The following FRAS1 variants were observed in gnomAD, a reference collection of about 807,000 sequenced individuals.
FRAS1 encodes extracellular matrix organizing protein FRAS1.
FRAS1 carries 290 observed loss-of-function variants against 435.2 expected under a neutral mutation model. That is an observed-to-expected ratio of 0.67 (90% CI 0.61 to 0.73). The LOEUF (loss-of-function observed/expected upper bound fraction) is 0.73, where lower values mean the gene tolerates loss of function less well. FRAS1 is among the 30% of genes least tolerant of loss of function. The pLI is 0.00. For missense variants in FRAS1, 4,860 were observed against 5,001.5 expected (o/e 0.97, Z 0.85); for synonymous variants, 1,800 against 1,851.0 (o/e 0.97, Z 0.71).
chr4:78,383,460 G>A (rs1363302884), intron 27 of FRAS1, among the ~76,000 whole-genome samples: 1 of 152,194 alleles, frequency 6.6e-6, no homozygotes, highest in Non-Finnish European at 1.5e-5. Flanking sequence ...GTAGTCAGAT[G>A]CTGAGACTGA....
In FRAS1 at chr4:78,218,273, G is replaced by A. The variant is rs546578098; in HGVS notation, c.109-19237G>A. 2.9e-4 allele frequency among the ~76,000 whole-genome samples: 44 copies of A among 151,464 alleles called. No individual in the cohort carries two copies. In the South Asian group the frequency reaches 8.2e-3, roughly 28 times the overall value. On this transcript the variant is annotated intron_variant, in intron 2 of 73. Coordinates refer to ENST00000512123, the MANE Select transcript of FRAS1 (RefSeq NM_025074.7). ...GAGAGAGGGGAACTATCTCAGAAGGGTCTATGCTTGAAATACAGCACACTA... is the reference window on the plus strand; with the variant it reads ...GAGAGAGGGGAACTATCTCAGAAGGATCTATGCTTGAAATACAGCACACTA...
chr4:78,269,580 A>G (rs1051892074), intron 9 of FRAS1, among the ~76,000 whole-genome samples: 45 of 152,214 alleles, frequency 3.0e-4, no homozygotes, highest in African/African-American at 1.0e-3. Context: ...ATCAACAGCA[A>G]TGTTCTGAAT....
chr4:78,373,712 T>A (rs894154885), intron 24 of FRAS1, among the ~76,000 whole-genome samples: 2 of 151,794 alleles, frequency 1.3e-5, no homozygotes, highest in African/African-American at 4.8e-5. Flanking sequence ...GAGGCAGAGG[T>A]TGCGGTGAGC....
chr4:78,494,882 T>C (rs1442980489), intron 59 of FRAS1, among the ~76,000 whole-genome samples: 1 of 152,148 alleles, frequency 6.6e-6, no homozygotes, highest in East Asian at 1.9e-4. Context: ...AAAATCAATT[T>C]TGATAAACTA....
intron 20 of FRAS1, among the ~76,000 whole-genome samples, chr4:78,360,443 T>C (rs997748704): frequency 1.4e-4 from 21 of 152,072 alleles, no homozygotes; most frequent in African/African-American, 4.8e-4. Flanking sequence ...ATGGAGAGCA[T>C]AGTTGGAAGT....
intron 37 of FRAS1, 146 bp from the exon 38 acceptor site, chr4:78,432,211 T>C: frequency 1.6e-6 from 1 of 631,632 alleles, no homozygotes; most frequent in Admixed American, 3.4e-5. Context: ...AAGGGAATCC[T>C]ATAGTAGGTG....
chr4:78,295,242 G>A (rs1728092651), intron 14 of FRAS1, among the ~76,000 whole-genome samples: 1 of 151,990 alleles, frequency 6.6e-6, no homozygotes. Context: ...AAATATTTTT[G>A]AATCAATTTT....
chr4:78,513,630 A>T, intron 65 of FRAS1, 78 bp downstream of exon 65: 1 of 1,308,728 alleles, frequency 7.6e-7, no homozygotes, highest in South Asian at 1.3e-5. Flanking sequence ...CAGAGTGAGA[A>T]CTGCTTTTCA....
chr4:78,441,056 G>T, intron 40 of FRAS1, 106 bp from the exon 41 acceptor site: 1 of 1,092,218 alleles, frequency 9.2e-7, no homozygotes. Flanking sequence ...CAAAGAAGCA[G>T]AATTGGTGCT....
chr4:78,178,635 A>G (rs1721873954), intron 2 of FRAS1, among the ~76,000 whole-genome samples: 1 of 152,240 alleles, frequency 6.6e-6, no homozygotes, highest in Non-Finnish European at 1.5e-5. Context: ...ACCAAGAAAC[A>G]GCAAGCTAGC....
At chr4:78,127,179 G>A (rs539995565) in intron 2 of FRAS1, among the ~76,000 whole-genome samples, 20 of 152,096 alleles carry the variant, frequency 1.3e-4, no homozygotes, top group African/African-American at 4.6e-4. Context: ...GGGTGAGCTG[G>A]GGAGAGAAAG....
intron 38 of FRAS1, 69 bp from the exon 39 acceptor site, chr4:78,438,501 C>G: frequency 6.7e-7 from 1 of 1,501,594 alleles, no homozygotes; most frequent in East Asian, 2.3e-5. Context: ...ACCCATAGAT[C>G]TTTAGCTACT....
In FRAS1 at chr4:78,464,063, G is replaced by A. The variant is rs771923121; in HGVS notation, c.6806G>A (p.Arg2269Gln). Residue 2269 changes from arginine to glutamine, a missense_variant, in exon 48 of 74, where the codon CGA becomes CAA. By Grantham distance (43) the Arg-to-Gln change is conservative. Transcript: ENST00000512123. The part of the protein sequence containing the change: ...SSFTQADLTS[R>Q]NVQYVHSSEA... ...TTTACTCAAGCTGATCTGACTTCAC[G>A]AAATGTTCAGTATGTCCATTCTAGT... 4.7e-5 allele frequency: 76 copies of A among 1,613,540 alleles called. No homozygotes were observed. The East Asian group carries it at 1.2e-3, about 25-fold the overall frequency.
chr4:78,057,921 GGGTTCCAAGCGCC>G lies in FRAS1; in HGVS notation c.-86_-74del. 4.7e-6 allele frequency: 6 copies of G among 1,266,804 alleles called. No homozygotes were observed. Among genetic ancestry groups the G allele is most frequent in the Non-Finnish European group, 6.8e-6 (6 of 876,560 alleles). 78.5% of individuals were successfully genotyped at this position (1,266,804 alleles called of 1,614,324 possible). On this transcript the variant is annotated 5_prime_UTR_variant, in exon 1 of 74. Coordinates refer to ENST00000512123, the MANE Select transcript of FRAS1 (RefSeq NM_025074.7). This position sits in a 1 kb window ranked among gnomAD's most constrained non-coding sequence, Gnocchi z 4.2. Reference sequence around the variant, plus strand: ...GCGGTCCCCCACCTTCAGTGCGCCCGGGTTCCAAGCGCCGGAGCCAGCGTTTTGGCGGAGCCGC... The same window carrying G: ...GCGGTCCCCCACCTTCAGTGCGCCCGGGAGCCAGCGTTTTGGCGGAGCCGC...
chr4:78,491,491 A>G (rs1720351834), intron 59 of FRAS1, among the ~76,000 whole-genome samples: 1 of 152,196 alleles, frequency 6.6e-6, no homozygotes, highest in Non-Finnish European at 1.5e-5. Flanking sequence ...ATGCAAGGCT[A>G]GTTCAACATA....
At chr4:78,198,890 T>C (rs1722934447) in intron 2 of FRAS1, among the ~76,000 whole-genome samples, 1 of 152,262 alleles carries the variant, frequency 6.6e-6, no homozygotes, top group African/African-American at 2.4e-5. Context: ...ATTCTAAGTA[T>C]ACAGTATATA....
chr4:78,508,851 T>TA lies in FRAS1; in HGVS notation c.9626dup (p.Tyr3209Ter). The TA allele has an allele frequency of 3.7e-6, 6 of 1,613,864 alleles. No homozygotes were observed. The highest frequency in any genetic ancestry group is 5.1e-6 in the Non-Finnish European group (6 of 1,179,842). ...CCCCTGCGACCCTCATTTCCCCAGA[T>TA]ACGCTGTCATGAAGGAGCGCTGCAG... ...VTPCDPHFPRYAVMKERCSEA... is the reference protein window; with the variant it reads ...VTPCDPHFPR The change falls in exon 63 of 74, where the codon TAC (tyrosine) becomes TAAC (stop). Residue 3209 changes from tyrosine to a stop codon, truncating the protein, a stop_gained and frameshift_variant. Transcript: ENST00000512123. LOFTEE classifies it high-confidence loss of function.
chr4:78,458,850 G>A (rs1350872056), intron 47 of FRAS1, among the ~76,000 whole-genome samples: 1 of 152,044 alleles, frequency 6.6e-6, no homozygotes, highest in Non-Finnish European at 1.5e-5. Context: ...CAGTTATAGA[G>A]ATGACAAAAA....
intron 29 of FRAS1, among the ~76,000 whole-genome samples, chr4:78,399,033 G>A (rs186124900): frequency 9.9e-4 from 150 of 152,248 alleles, no homozygotes; most frequent in Non-Finnish European, 1.9e-3. Flanking sequence ...GACTGCTGGA[G>A]TTAATAGAGC....
Sources: allele counts gnomAD v4.1 joint callset (sites outside exome capture counted in the v4.1 genomes callset), GRCh38; gene constraint gnomAD v4.1.1; non-coding constraint Gnocchi (gnomAD v3.1); transcripts MANE v1.5; gene names NCBI Gene and HGNC (gene_info 2026-07-23, HGNC 2026-07-21).